Variants in GMDS observed in about 807,000 individuals in gnomAD.
The protein encoded by GMDS is GDP-mannose 4,6-dehydratase.
Under a neutral mutation model 49.9 loss-of-function variants are expected in GMDS, and 20 were observed. The ratio of observed to expected loss-of-function variants is 0.40; its 90% CI spans 0.28 to 0.58. The LOEUF (loss-of-function observed/expected upper bound fraction) is 0.58. GMDS is among the 20% of genes least tolerant of loss of function. The probability of loss-of-function intolerance (pLI) is 0.42; values close to 1 mark genes in which losing one functional copy is unlikely to be tolerated. For missense variants in GMDS, 362 were observed against 481.4 expected (o/e 0.75, Z 2.32); for synonymous variants, 177 against 178.6 (o/e 0.99, Z 0.07).
intron 6 of GMDS, among the ~76,000 whole-genome samples, chr6:1,953,084 C>T (rs1472960526): frequency 2.6e-5 from 4 of 152,144 alleles, no homozygotes; most frequent in African/African-American, 4.8e-5. Flanking sequence ...CATCGAAAGA[C>T]GGAAATCTTC....
chr6:2,141,742 A>T lies in GMDS; in HGVS notation c.103-17011T>A, dbSNP rs535301121. Among the ~76,000 whole-genome samples the T allele has an allele frequency of 9.2e-5, 14 of 152,224 alleles. No individual in the cohort carries two copies. In the South Asian group the frequency reaches 2.9e-3, roughly 32 times the overall value. On this transcript the variant is annotated intron_variant, in intron 1 of 10. Coordinates refer to ENST00000380815, the MANE Select transcript of GMDS (RefSeq NM_001500.4). ...CTGGAAGCCACATTCTAAATACAGC[A>T]TCTCTGACCACAAACGGCCGGCAGC...
chr6:1,658,397 C>T (rs1295348577), intron 9 of GMDS, among the ~76,000 whole-genome samples: 4 of 152,238 alleles, frequency 2.6e-5, no homozygotes, highest in Admixed American at 6.5e-5. Context: ...ATCATCCCAC[C>T]GACTGCTGGC....
intron 7 of GMDS, among the ~76,000 whole-genome samples, chr6:1,927,166 C>T (rs62391625): frequency 6.1e-5 from 5 of 81,834 alleles, no homozygotes; most frequent in South Asian, 4.2e-4. Flanking sequence ...CAGAGGGTAG[C>T]GTGTTGGTGT....
intron 6 of GMDS, among the ~76,000 whole-genome samples, chr6:1,955,489 T>A (rs563380253): frequency 3.3e-5 from 5 of 152,306 alleles, no homozygotes; most frequent in African/African-American, 1.2e-4. Context: ...TCTGTTATTC[T>A]TATTAATTTG....
intron 4 of GMDS, among the ~76,000 whole-genome samples, chr6:2,029,565 C>A (rs997457097): frequency 2.6e-5 from 4 of 152,184 alleles, no homozygotes; most frequent in African/African-American, 9.7e-5. Context: ...GCAGTCCAGC[C>A]CAACCTCTCC....
intron 9 of GMDS, among the ~76,000 whole-genome samples, chr6:1,665,473 A>T (rs1203152954): frequency 6.6e-6 from 1 of 152,226 alleles, no homozygotes. Flanking sequence ...ATGAAATATG[A>T]ATGTAAAAGA....
chr6:2,236,029 G>C (rs571809667), intron 1 of GMDS, among the ~76,000 whole-genome samples: 1 of 152,250 alleles, frequency 6.6e-6, no homozygotes, highest in East Asian at 1.9e-4. Context: ...TTTTAAGATA[G>C]CAATAGTGTT....
intron 7 of GMDS, among the ~76,000 whole-genome samples, chr6:1,915,276 C>T (rs1291214893): frequency 6.6e-6 from 1 of 152,172 alleles, no homozygotes; most frequent in Non-Finnish European, 1.5e-5. Context: ...GTCAGCCAGG[C>T]CCTGGCAGAG....
At chr6:1,710,098 G>T (rs1765891917) in intron 9 of GMDS, among the ~76,000 whole-genome samples, 1 of 152,190 alleles carries the variant, frequency 6.6e-6, no homozygotes, top group African/African-American at 2.4e-5. Flanking sequence ...AGTCCCTGAA[G>T]TCAGAGCCCG....
At chr6:1,877,377 C>A (rs1160201930) in intron 7 of GMDS, among the ~76,000 whole-genome samples, 4 of 152,058 alleles carry the variant, frequency 2.6e-5, no homozygotes, top group African/African-American at 9.7e-5. Flanking sequence ...TGGTGGCTCA[C>A]CTCTGTAATC....
At chr6:1,867,749 C>T (rs1758511241) in intron 7 of GMDS, among the ~76,000 whole-genome samples, 1 of 152,052 alleles carries the variant, frequency 6.6e-6, no homozygotes, top group Non-Finnish European at 1.5e-5. Context: ...TTTAGTAAGT[C>T]AGTAAATCAA....
chr6:1,719,080 T>G (rs911508823), intron 9 of GMDS, among the ~76,000 whole-genome samples: 16 of 152,234 alleles, frequency 1.1e-4, no homozygotes, highest in African/African-American at 3.9e-4. Flanking sequence ...ACAGTTCCTA[T>G]TGCTGAGTAA....
rs2113405166 is a variant in GMDS at position 1,715,076 on chromosome 6, A to T, written c.987+11340T>A. Among the ~76,000 whole-genome samples, 3 of 152,354 alleles carry T rather than the reference A, an allele frequency of 2.0e-5. No individual in the cohort carries two copies. The East Asian group carries it at 5.8e-4, about 29-fold the overall frequency. On this transcript the variant is annotated intron_variant, in intron 9 of 10. Transcript: ENST00000380815. ...GAGTTTCAGAACAGATGAAGAAAAA[A>T]GGAGAGAACATCAGCAGAAACATAA...
intron 4 of GMDS, among the ~76,000 whole-genome samples, chr6:2,114,485 C>G (rs1035154893): frequency 9.9e-5 from 15 of 152,262 alleles, no homozygotes; most frequent in African/African-American, 3.1e-4. Flanking sequence ...GCATAAGAGA[C>G]TTTCCAAAAT....
chr6:2,068,146 C>T (rs1771739444), intron 4 of GMDS, among the ~76,000 whole-genome samples: 1 of 151,482 alleles, frequency 6.6e-6, no homozygotes, highest in Non-Finnish European at 1.5e-5. Flanking sequence ...AGCATATAAA[C>T]AGAACCAAAG....
At chr6:1,965,966 G>A (rs984689058) in intron 4 of GMDS, among the ~76,000 whole-genome samples, 60 of 152,254 alleles carry the variant, frequency 3.9e-4, no homozygotes, top group South Asian at 6.2e-4. Context: ...GGCCAAATCC[G>A]ACCTACCATC....
chr6:2,033,737 C>G (rs375825943), intron 4 of GMDS, among the ~76,000 whole-genome samples: 1 of 152,156 alleles, frequency 6.6e-6, no homozygotes, highest in Non-Finnish European at 1.5e-5. Context: ...CGTTCCTAAA[C>G]TAAGTTGCAC....
chr6:1,851,872 C>G (rs890541750), intron 7 of GMDS, among the ~76,000 whole-genome samples: 5 of 152,126 alleles, frequency 3.3e-5, no homozygotes, highest in African/African-American at 1.2e-4. Context: ...ACGACAGGCT[C>G]CACCCACAGC....
chr6:2,112,821 C>T (rs952547625), intron 4 of GMDS, among the ~76,000 whole-genome samples: 7 of 152,054 alleles, frequency 4.6e-5, no homozygotes, highest in African/African-American at 1.7e-4. Flanking sequence ...TGCAATGACC[C>T]AATTTCTTGA....
Sources: allele counts gnomAD v4.1 joint callset (sites outside exome capture counted in the v4.1 genomes callset), GRCh38; gene constraint gnomAD v4.1.1; transcripts MANE v1.5; gene names NCBI Gene and HGNC (gene_info 2026-07-23, HGNC 2026-07-21).